Variants in AOPEP observed in about 807,000 individuals in gnomAD.
AOPEP encodes aminopeptidase O.
Under a neutral mutation model 98.1 loss-of-function variants are expected in AOPEP, and 77 were observed. The observed-to-expected ratio is 0.78, with a 90% CI of 0.65 to 0.95. The LOEUF (loss-of-function observed/expected upper bound fraction) is 0.95, where lower values mean the gene tolerates loss of function less well. Ranked by LOEUF, AOPEP falls within the 40% of genes least tolerant of loss-of-function variation. The pLI is 0.00. For synonymous variants in AOPEP, 346 were observed against 365.3 expected (o/e 0.95, Z 0.60); for missense variants, 1,024 against 1,024.7 (o/e 1.00, Z 0.01).
At chr9:94,832,022 T>C (rs1001258751) in intron 5 of AOPEP, among the ~76,000 whole-genome samples, 15 of 152,088 alleles carry the variant, frequency 9.9e-5, no homozygotes, top group Admixed American at 8.5e-4. Flanking sequence ...GTTGAGCCAA[T>C]GGGTGAATTT....
the AOPEP span, among the ~76,000 whole-genome samples, chr9:95,127,759 C>T: frequency 6.6e-6 from 1 of 152,360 alleles, no homozygotes; most frequent in South Asian, 2.1e-4. Context: ...CCCTGGATCA[C>T]ACTGAGGCAG....
At chr9:94,812,001 A>T (rs1451806429) in intron 5 of AOPEP, among the ~76,000 whole-genome samples, 1 of 152,184 alleles carries the variant, frequency 6.6e-6, no homozygotes, top group Non-Finnish European at 1.5e-5. Context: ...AAGTTATTTG[A>T]GAGTACAATT....
At chr9:94,879,048 G>C (rs1043281599) in intron 5 of AOPEP, among the ~76,000 whole-genome samples, 12 of 152,218 alleles carry the variant, frequency 7.9e-5, no homozygotes, top group African/African-American at 2.4e-4. Context: ...CACAAGATCA[G>C]ATGAGCCAGT....
At chr9:94,855,151 C>G (rs2044019900) in intron 5 of AOPEP, among the ~76,000 whole-genome samples, 1 of 152,094 alleles carries the variant, frequency 6.6e-6, no homozygotes, top group Non-Finnish European at 1.5e-5. Flanking sequence ...AATCTCGGCT[C>G]ACCACAACCT....
chr9:94,923,468 C>T (rs1292215370), intron 5 of AOPEP, among the ~76,000 whole-genome samples: 1 of 152,176 alleles, frequency 6.6e-6, no homozygotes, highest in Non-Finnish European at 1.5e-5. Context: ...GGCACCTGCT[C>T]GTTTGTTAAC....
At chr9:94,757,003 C>T (rs1356997816) in intron 1 of AOPEP, among the ~76,000 whole-genome samples, 1 of 152,176 alleles carries the variant, frequency 6.6e-6, no homozygotes, top group Admixed American at 6.5e-5. Context: ...TCTGCCTTTG[C>T]CATATCTTCA....
intron 5 of AOPEP, among the ~76,000 whole-genome samples, chr9:94,883,043 A>C (rs2047775443): frequency 6.6e-6 from 1 of 152,304 alleles, no homozygotes; most frequent in African/African-American, 2.4e-5. Flanking sequence ...GTGCAGTATA[A>C]ATACTGCTTA....
chr9:95,096,232 A>G, the AOPEP span, among the ~76,000 whole-genome samples: 4,671 of 152,222 alleles, frequency 0.031, 237 homozygotes, highest in African/African-American at 0.11. Context: ...AATTCTGTAC[A>G]TGTACACGTG....
At chr9:95,008,426 G>A (rs796194716) in intron 13 of AOPEP, among the ~76,000 whole-genome samples, 19 of 152,300 alleles carry the variant, frequency 1.2e-4, no homozygotes, top group African/African-American at 4.3e-4. Flanking sequence ...CTCTGACCAC[G>A]GGCGCTGAGC....
chr9:94,862,844 C>A (rs1018433898), intron 5 of AOPEP, among the ~76,000 whole-genome samples: 8 of 152,212 alleles, frequency 5.3e-5, no homozygotes, highest in African/African-American at 1.9e-4. Context: ...ACAAGAACTC[C>A]GTCTTGGACT....
intron 5 of AOPEP, among the ~76,000 whole-genome samples, chr9:94,849,522 A>G (rs917526581): frequency 8.6e-6 from 1 of 116,268 alleles, no homozygotes; most frequent in African/African-American, 3.6e-5. Context: ...TTTTTTTTGC[A>G]GTAATATCTT....
At chr9:95,124,903 G>A in the AOPEP span, among the ~76,000 whole-genome samples, 1 of 152,192 alleles carries the variant, frequency 6.6e-6, no homozygotes, top group African/African-American at 2.4e-5. Flanking sequence ...GCACGGGGCA[G>A]ACAGATCTTG....
chr9:95,105,951 C>T, the AOPEP span, among the ~76,000 whole-genome samples: 4 of 152,256 alleles, frequency 2.6e-5, no homozygotes, highest in Non-Finnish European at 5.9e-5. Flanking sequence ...AGATGGCCCT[C>T]CAGCCCCTGC....
chr9:95,149,835 A>G, the AOPEP span: 2 of 1,431,022 alleles, frequency 1.4e-6, no homozygotes, highest in South Asian at 1.2e-5. Flanking sequence ...ACGTTTGGAC[A>G]CTGCTGTCGT....
intron 8 of AOPEP, 54 bp downstream of exon 8, chr9:94,955,333 C>T: frequency 1.3e-5 from 14 of 1,093,824 alleles, no homozygotes; most frequent in Non-Finnish European, 1.9e-5. Context: ...ACTTTTTAGG[C>T]CACACAATTA....
At chr9:94,788,492 G>GTT (rs1272294199) in intron 3 of AOPEP, among the ~76,000 whole-genome samples, 41 of 142,662 alleles carry the variant, frequency 2.9e-4, no homozygotes, top group African/African-American at 1.0e-3. Flanking sequence ...CTTATGCTTT[G>GTT]TTTTTTTTTT....
At chr9:94,859,465 TAATC>T (rs2044660141) in intron 5 of AOPEP, among the ~76,000 whole-genome samples, 2 of 152,210 alleles carry the variant, frequency 1.3e-5, no homozygotes, top group Admixed American at 6.5e-5. Flanking sequence ...TAATCTAGGA[TAATC>T]TGACTAACTC....
chr9:95,004,193 C>T (rs949357250), intron 11 of AOPEP: 4 of 455,790 alleles, frequency 8.8e-6, no homozygotes, highest in African/African-American at 6.0e-5. Flanking sequence ...CCGGCCCGCC[C>T]TCACCGGCAG....
chr9:94,790,824 A>C (rs943280894), intron 3 of AOPEP, among the ~76,000 whole-genome samples: 1 of 151,860 alleles, frequency 6.6e-6, no homozygotes, highest in Non-Finnish European at 1.5e-5. Flanking sequence ...GGGCATGTTA[A>C]TATTTCAGCT....
Sources: gnomAD v4.1 joint callset for allele counts (sites outside exome capture counted in the v4.1 genomes callset) on GRCh38, gnomAD v4.1.1 for gene constraint, MANE v1.5 for transcripts, NCBI Gene and HGNC (gene_info 2026-07-23, HGNC 2026-07-21) for gene names.